STMN1: variants seen among roughly 807,000 people sequenced by gnomAD.
The protein encoded by STMN1 is stathmin.
STMN1 carries 3 observed loss-of-function variants against 19.7 expected under a neutral mutation model. That is an observed-to-expected ratio of 0.15 (90% confidence interval 0.07 to 0.39). The LOEUF (loss-of-function observed/expected upper bound fraction) is 0.39, where lower values mean the gene tolerates loss of function less well. Ranked by LOEUF, STMN1 falls within the 10% of genes least tolerant of loss-of-function variation. STMN1 has a pLI of 1.00. For missense variants in STMN1, 99 were observed against 176.0 expected (o/e 0.56, Z 2.48); for synonymous variants, 59 against 58.9 (o/e 1.00, Z -0.01).
chr1:25,889,888 T>C (rs1388293122), intron 4 of STMN1, among the ~76,000 whole-genome samples: 1 of 152,198 alleles, frequency 6.6e-6, no homozygotes, highest in Non-Finnish European at 1.5e-5. Context: ...CACCTGCTAG[T>C]TCCTGCCATC....
intron 2 of STMN1, among the ~76,000 whole-genome samples, chr1:25,904,452 T>G (rs1410809019): frequency 6.6e-6 from 1 of 152,212 alleles, no homozygotes; most frequent in East Asian, 1.9e-4. Flanking sequence ...AACTCCACAA[T>G]TTTGCTTCAG....
chr1:25,894,865 C>G (rs1015125344), intron 4 of STMN1, among the ~76,000 whole-genome samples: 1 of 151,876 alleles, frequency 6.6e-6, no homozygotes, highest in East Asian at 2.0e-4. Flanking sequence ...TACCACCACA[C>G]CCAGCAACAG....
At chr1:25,890,543 G>A (rs953950885) in intron 4 of STMN1, among the ~76,000 whole-genome samples, 1 of 152,232 alleles carries the variant, frequency 6.6e-6, no homozygotes, top group Non-Finnish European at 1.5e-5. Flanking sequence ...CCTGAAAGGG[G>A]AAGAATAAAT....
chr1:25,895,099 C>CTTTTTTT (rs34587140), intron 4 of STMN1, among the ~76,000 whole-genome samples: 1 of 113,404 alleles, frequency 8.8e-6, no homozygotes, highest in African/African-American at 3.2e-5. Flanking sequence ...TATTATACGT[C>CTTTTTTT]TTTTTTTTTT....
intron 4 of STMN1, among the ~76,000 whole-genome samples, chr1:25,886,054 A>G (rs1217445758): frequency 6.6e-6 from 1 of 152,186 alleles, no homozygotes; most frequent in Non-Finnish European, 1.5e-5. Flanking sequence ...TCTTGTTGGT[A>G]TGGGAAGCAA....
chr1:25,891,106 C>G (rs1379308204), intron 4 of STMN1, among the ~76,000 whole-genome samples: 1 of 152,004 alleles, frequency 6.6e-6, no homozygotes, highest in African/African-American at 2.4e-5. Context: ...GCCGAGGTGG[C>G]TGGATCACCT....
At chr1:25,904,513 T>C in intron 2 of STMN1, 151 bp downstream of exon 2, 2 of 684,144 alleles carry the variant, frequency 2.9e-6, no homozygotes, top group South Asian at 3.9e-5. Flanking sequence ...CACATTCAAG[T>C]GATAATCATT....
intron 4 of STMN1, 50 bp from the exon 5 acceptor site, chr1:25,901,137 A>G: frequency 6.4e-7 from 1 of 1,567,058 alleles, no homozygotes; most frequent in Non-Finnish European, 8.6e-7. Context: ...AAAAAAAAAA[A>G]AAGCCTGTCA....
downstream of STMN1, among the ~76,000 whole-genome samples, chr1:25,897,823 G>A (rs1242160440): frequency 6.6e-6 from 1 of 152,186 alleles, no homozygotes; most frequent in East Asian, 1.9e-4. Context: ...AAATGAACAC[G>A]ATGCCTGGAC....
chr1:25,904,670 A>C lies in STMN1; in HGVS notation c.7T>G (p.Ser3Ala), dbSNP rs145590608. ...TTCCAAATAGATTACCTACCAGAAG[A>C]AGCCATGGTGAATAGAAGACAAGCG... MA[S>A]SDIQVKELEK... Residue 3 changes from serine to alanine, a missense_variant, in exon 2 of 5, where the codon TCT becomes GCT. This residue lies in a region of STMN1 where 37 missense variants were observed against 57.9 expected (regional missense o/e 0.64). Coordinates refer to ENST00000455785, the MANE Select transcript of STMN1 (RefSeq NM_005563.4). 25 of 1,613,724 alleles carry C rather than the reference A, an allele frequency of 1.5e-5. No individual in the cohort carries two copies. The highest frequency in any genetic ancestry group is 4.5e-5 in the East Asian group (2 of 44,876).
intron 2 of STMN1, among the ~76,000 whole-genome samples, 186 bp downstream of exon 2, chr1:25,904,478 C>T (rs1018001453): frequency 6.6e-6 from 1 of 152,202 alleles, no homozygotes; most frequent in African/African-American, 2.4e-5. Context: ...GCCAAACTGT[C>T]CAATAAACAA....
chr1:25,891,160 C>T (rs918595596), intron 4 of STMN1, among the ~76,000 whole-genome samples: 7 of 151,898 alleles, frequency 4.6e-5, no homozygotes, highest in Non-Finnish European at 1.0e-4. Flanking sequence ...TGGTGAAACC[C>T]CATCTCTACT....
chr1:25,898,556 CA>C (rs1266705413), downstream of STMN1, among the ~76,000 whole-genome samples: 2 of 150,994 alleles, frequency 1.3e-5, no homozygotes, highest in Admixed American at 1.3e-4. Context: ...AGGTGCTTGT[CA>C]AATGTTAATT....
At position 25,890,758 on chromosome 1, in the gene STMN1, G is replaced by A. The variant is rs181218424; in HGVS notation, c.379-4889C>T. ...TCTACGGGACACACCCAGCAGCCCA[G>A]GAGATCCTGCTAGGCGAGCGTATCC... On this transcript the variant is annotated intron_variant, in intron 4 of 4. Coordinates refer to the STMN1 transcript ENST00000426559. Among the ~76,000 whole-genome samples, 1,472 of 152,272 alleles carry A rather than the reference G, an allele frequency of 9.7e-3. 21 individuals are homozygous for A. The highest frequency in any genetic ancestry group is 0.012 in the Non-Finnish European group (794 of 68,026).
chr1:25,888,605 T>A (rs548859713), intron 4 of STMN1, among the ~76,000 whole-genome samples: 1 of 152,190 alleles, frequency 6.6e-6, no homozygotes, highest in Non-Finnish European at 1.5e-5. Flanking sequence ...CTCCATCAGC[T>A]ATGACTTCAT....
In STMN1 at chr1:25,906,160, G is replaced by GC; in HGVS notation, c.-63+228dup. 1 of 152,346 alleles carries GC rather than the reference G, an allele frequency of 6.6e-6. No homozygotes were observed. Among genetic ancestry groups the GC allele is most frequent in the Non-Finnish European group, 1.5e-5 (1 of 68,104 alleles). 9.4% of individuals were successfully genotyped at this position (152,346 alleles called of 1,614,324 possible). On this transcript the variant is annotated intron_variant, in intron 1 of 4. Transcript: ENST00000455785. This position sits in a 1 kb window ranked among gnomAD's most constrained non-coding sequence, Gnocchi z 4.5. ...GGAGCGGACGCCCGGTGATCGCCCAGCCCCCTGCCCACGAACAGCCGCGCC... is the reference window on the plus strand; with the variant it reads ...GGAGCGGACGCCCGGTGATCGCCCAGCCCCCCTGCCCACGAACAGCCGCGCC...
intron 3 of STMN1, 39 bp downstream of exon 3, chr1:25,903,602 T>A: frequency 6.2e-7 from 1 of 1,606,138 alleles, no homozygotes; most frequent in Non-Finnish European, 8.5e-7. Flanking sequence ...GCCCATTACA[T>A]AAATTAATAT....
chr1:25,897,751 TCTC>T, downstream of STMN1, among the ~76,000 whole-genome samples: 1 of 152,222 alleles, frequency 6.6e-6, no homozygotes, highest in Admixed American at 6.5e-5. Flanking sequence ...TGGGTAAGCT[TCTC>T]CTACTAGCTT....
chr1:25,889,670 C>G (rs973835438), intron 4 of STMN1, among the ~76,000 whole-genome samples: 1 of 152,206 alleles, frequency 6.6e-6, no homozygotes, highest in Non-Finnish European at 1.5e-5. Flanking sequence ...ACCGTCCATT[C>G]TCCTCCTGGT....
Sources: gnomAD v4.1 joint callset for allele counts (sites outside exome capture counted in the v4.1 genomes callset) on GRCh38, gnomAD v4.1.1 for gene constraint, gnomAD v4.1.1 regional missense constraint, Gnocchi (gnomAD v3.1) non-coding constraint, MANE v1.5 for transcripts, NCBI Gene and HGNC (gene_info 2026-07-23, HGNC 2026-07-21) for gene names.